The following SRGAP1 variants were observed in gnomAD, a reference collection of about 807,000 sequenced individuals.
SRGAP1 encodes SLIT-ROBO Rho GTPase activating protein 1, also known as SLIT-ROBO Rho GTPase-activating protein 1.
SRGAP1 carries 43 observed loss-of-function variants against 121.9 expected under a neutral mutation model. The ratio of observed to expected loss-of-function variants is 0.35; its 90% CI spans 0.28 to 0.46. SRGAP1 has a LOEUF of 0.46. Ranked by LOEUF, SRGAP1 falls within the 20% of genes least tolerant of loss-of-function variation. The pLI, the probability that SRGAP1 is intolerant of heterozygous loss-of-function variation, is 1.00. For synonymous variants in SRGAP1, 447 were observed against 485.4 expected (o/e 0.92, Z 1.04); for missense variants, 1,102 against 1,350.9 (o/e 0.82, Z 2.89).
chr12:64,061,834 A>G (rs1352355076), intron 6 of SRGAP1, among the ~76,000 whole-genome samples: 2 of 152,180 alleles, frequency 1.3e-5, no homozygotes, highest in African/African-American at 2.4e-5. Context: ...TAATGTTTTC[A>G]AAGTTTCATC....
At chr12:63,933,561 T>G (rs2031556270) in intron 1 of SRGAP1, among the ~76,000 whole-genome samples, 1 of 152,304 alleles carries the variant, frequency 6.6e-6, no homozygotes, top group East Asian at 1.9e-4. Context: ...TAACCAGCAC[T>G]GAATATTGAA....
intron 1 of SRGAP1, among the ~76,000 whole-genome samples, chr12:63,940,277 T>C (rs930528626): frequency 2.0e-5 from 3 of 151,952 alleles, no homozygotes; most frequent in Non-Finnish European, 4.4e-5. Flanking sequence ...CTCCCATTTC[T>C]TACTACTGAA....
chr12:63,904,895 C>T (rs182741550), intron 1 of SRGAP1, among the ~76,000 whole-genome samples: 7 of 152,252 alleles, frequency 4.6e-5, no homozygotes, highest in African/African-American at 7.2e-5. Context: ...AATTATGTCA[C>T]TGCACTCCAG....
At chr12:64,050,716 T>C (rs995586804) in intron 6 of SRGAP1, among the ~76,000 whole-genome samples, 1 of 152,102 alleles carries the variant, frequency 6.6e-6, no homozygotes, top group Non-Finnish European at 1.5e-5. Context: ...GCAAGTTCTT[T>C]TATTTATTTG....
intron 1 of SRGAP1, among the ~76,000 whole-genome samples, chr12:63,917,016 T>C (rs1239784527): frequency 2.0e-5 from 3 of 152,166 alleles, no homozygotes; most frequent in African/African-American, 7.2e-5. Context: ...CTCACCTTGC[T>C]CAGCAAGGTC....
At chr12:64,045,913 A>G (rs1196173109) in intron 6 of SRGAP1, among the ~76,000 whole-genome samples, 1 of 152,234 alleles carries the variant, frequency 6.6e-6, no homozygotes, top group Non-Finnish European at 1.5e-5. Context: ...AAATGAATTT[A>G]TATACATACA....
In SRGAP1 at chr12:64,143,057, A is replaced by G. The variant is rs1003976638; in HGVS notation, c.*385A>G. The G allele has an allele frequency of 6.3e-5, 13 of 207,982 alleles. No homozygotes were observed. Among genetic ancestry groups the G allele is most frequent in the Non-Finnish European group, 1.1e-4 (11 of 101,270 alleles). 12.9% of individuals were successfully genotyped at this position (207,982 alleles called of 1,614,324 possible). Reference sequence around the variant, plus strand: ...GAACCCGAATGCCACACCTCATTGGAGTATAGCCAGTGTTGGTCTGTGGCA... The same window carrying G: ...GAACCCGAATGCCACACCTCATTGGGGTATAGCCAGTGTTGGTCTGTGGCA... On this transcript the variant is annotated 3_prime_UTR_variant, in exon 22 of 22. Transcript: ENST00000355086.
At chr12:63,903,837 G>T (rs190553254) in intron 1 of SRGAP1, among the ~76,000 whole-genome samples, 346 of 151,878 alleles carry the variant, frequency 2.3e-3, no homozygotes, top group African/African-American at 7.8e-3. Flanking sequence ...GTTTCACTGT[G>T]TTGGCCAGGC....
chr12:64,066,034 GT>G (rs5798726), intron 8 of SRGAP1, among the ~76,000 whole-genome samples: 59,284 of 152,002 alleles, frequency 0.39, 13,212 homozygotes, highest in Non-Finnish European at 0.51. Context: ...AACCACAAAT[GT>G]TTCTTGCATT....
At chr12:64,101,637 C>G (rs1277643590) in intron 15 of SRGAP1, among the ~76,000 whole-genome samples, 1 of 152,036 alleles carries the variant, frequency 6.6e-6, no homozygotes, top group Non-Finnish European at 1.5e-5. Flanking sequence ...TTTAACCATC[C>G]ACTTTGTGAG....
intron 18 of SRGAP1, 120 bp from the exon 19 acceptor site, chr12:64,125,857 G>C: frequency 1.1e-6 from 1 of 942,178 alleles, no homozygotes; most frequent in Non-Finnish European, 1.6e-6. Context: ...TGATGACTCT[G>C]TTCAGTCTAG....
At position 63,893,105 on chromosome 12, in the gene SRGAP1, G is replaced by A. The variant is rs181161487; in HGVS notation, c.67+48222G>A. Among the ~76,000 whole-genome samples, 4 of 152,298 alleles carry A rather than the reference G, an allele frequency of 2.6e-5. No homozygotes were observed. The East Asian group carries it at 7.7e-4, about 29-fold the overall frequency. On this transcript the variant is annotated intron_variant, in intron 1 of 21. Coordinates refer to ENST00000355086, the MANE Select transcript of SRGAP1 (RefSeq NM_020762.4). ...TGCTACATGAATCCAATCTTTTGCT[G>A]CTATAGTTAGACGGTGATTATGCTG...
At chr12:63,986,688 A>G (rs1349245246) in intron 2 of SRGAP1, among the ~76,000 whole-genome samples, 2 of 152,072 alleles carry the variant, frequency 1.3e-5, no homozygotes, top group Admixed American at 6.6e-5. Context: ...CTCCCAAAGT[A>G]CAGGGATGAC....
rs767190521 is a variant in SRGAP1 at position 64,097,256 on chromosome 12, C to T, written c.1694C>T (p.Ala565Val). ...NSFERGENPL[A>V]DDQSNHDINS... is the part of the protein sequence containing the mutation. Reference sequence around the variant, plus strand: ...TTTTTTTTAGGTGAAAATCCTTTGGCTGATGACCAGAGTAACCATGATATT... The same window carrying T: ...TTTTTTTTAGGTGAAAATCCTTTGGTTGATGACCAGAGTAACCATGATATT... Residue 565 changes from alanine (A) to valine (V), a missense_variant, in exon 15 of 22, where the codon GCT becomes GTT. Around this residue, in one of 3 missense-constraint regions of SRGAP1, gnomAD observed 747 missense variants for 929.4 expected, o/e 0.80. Transcript: ENST00000355086. 3 of 1,577,754 alleles carry T rather than the reference C, an allele frequency of 1.9e-6. No homozygotes were observed. Among genetic ancestry groups the T allele is most frequent in the East Asian group, 4.6e-5 (2 of 43,942 alleles).
rs148463422 is a variant in SRGAP1 at position 63,929,575 on chromosome 12, G to A, written c.68-54372G>A. Among the ~76,000 whole-genome samples the A allele has an allele frequency of 2.3e-3, 321 of 137,152 alleles. 2 individuals carry two copies. The highest frequency in any genetic ancestry group is 3.7e-3 in the Non-Finnish European group (232 of 62,426). The allele number at this position is 137,152 out of a possible 152,430, so 90.0% of individuals were successfully genotyped here. A position where few individuals can be genotyped will look rare whatever the true frequency, so the allele number is the denominator to read the frequency against. ...TGTGGTGTTTTTAAAGCCCCCACGA[G>A]TTTTTTTTTTTTTTTTAACTATGTT... On this transcript the variant is annotated intron_variant, in intron 1 of 21. Transcript: ENST00000355086.
chr12:64,056,579 A>G (rs1028979484), intron 6 of SRGAP1, among the ~76,000 whole-genome samples: 2 of 151,824 alleles, frequency 1.3e-5, no homozygotes, highest in African/African-American at 4.8e-5. Context: ...AGAGAAAGAA[A>G]GAAAAACATA....
intron 21 of SRGAP1, among the ~76,000 whole-genome samples, chr12:64,141,235 C>T (rs1222686403): frequency 4.5e-4 from 64 of 142,372 alleles, no homozygotes; most frequent in Non-Finnish European, 8.2e-4. Flanking sequence ...AACTAACCTG[C>T]ACAATGTGCA....
At chr12:63,884,956 G>A (rs1008223046) in intron 1 of SRGAP1, among the ~76,000 whole-genome samples, 13 of 152,094 alleles carry the variant, frequency 8.5e-5, no homozygotes, top group African/African-American at 2.4e-4. Context: ...TCCTGACCTC[G>A]TGATCCGCCC....
chr12:64,042,445 G>A (rs1344400), intron 4 of SRGAP1, among the ~76,000 whole-genome samples: 84,506 of 151,842 alleles, frequency 0.56, 24,013 homozygotes, highest in South Asian at 0.65. Flanking sequence ...ATGAATAAAC[G>A]GTTTATTCTG....
Sources: gnomAD v4.1 joint callset for allele counts (sites outside exome capture counted in the v4.1 genomes callset) on GRCh38, gnomAD v4.1.1 for gene constraint, gnomAD v4.1.1 regional missense constraint, MANE v1.5 for transcripts, NCBI Gene and HGNC (gene_info 2026-07-23, HGNC 2026-07-21) for gene names.